The following PRKN variants were observed in gnomAD, a reference collection of about 807,000 sequenced individuals.
The protein encoded by PRKN is parkin RBR E3 ubiquitin protein ligase.
In PRKN, 56 loss-of-function variants were observed where a neutral mutation model predicts 59.5. That is an observed-to-expected ratio of 0.94 (90% CI 0.76 to 1.18). PRKN has a LOEUF of 1.18. Ranked by LOEUF, PRKN falls within the 50% of genes most tolerant of loss-of-function variation. The pLI is 0.00. For synonymous variants in PRKN, 250 were observed against 222.1 expected (o/e 1.13, Z -1.12); for missense variants, 657 against 596.4 (o/e 1.10, Z -1.06).
intron 9 of PRKN, among the ~76,000 whole-genome samples, chr6:161,387,933 T>C (rs903762991): frequency 2.0e-5 from 3 of 152,296 alleles, no homozygotes; most frequent in African/African-American, 7.2e-5. Context: ...ACCATGGGAC[T>C]GAAGACGCCC....
intron 5 of PRKN, among the ~76,000 whole-genome samples, chr6:161,990,178 G>A (rs1004173864): frequency 3.3e-5 from 5 of 152,076 alleles, no homozygotes; most frequent in East Asian, 1.9e-4. Flanking sequence ...CACTGTGCCC[G>A]AAGACCAGCC....
At chr6:162,077,348 AAC>A (rs1428488168) in intron 4 of PRKN, among the ~76,000 whole-genome samples, 19 of 152,132 alleles carry the variant, frequency 1.2e-4, no homozygotes, top group African/African-American at 4.3e-4. Flanking sequence ...GCTGTGTCTA[AAC>A]ACATGCTATG....
chr6:161,917,218 G>C (rs1778600926), intron 6 of PRKN, among the ~76,000 whole-genome samples: 1 of 151,906 alleles, frequency 6.6e-6, no homozygotes, highest in Non-Finnish European at 1.5e-5. Context: ...TAATTCTCCT[G>C]CCTCAGCCTC....
At chr6:161,850,491 G>A (rs1793382053) in intron 6 of PRKN, among the ~76,000 whole-genome samples, 2 of 141,444 alleles carry the variant, frequency 1.4e-5, no homozygotes, top group South Asian at 2.4e-4. Context: ...CAGGAGAATC[G>A]CTTGAACCCG....
At chr6:162,447,211 G>A (rs1194234530) in intron 1 of PRKN, among the ~76,000 whole-genome samples, 2 of 152,208 alleles carry the variant, frequency 1.3e-5, no homozygotes, top group South Asian at 2.1e-4. Flanking sequence ...GCTAATGAAA[G>A]CAGTGTCCTT....
intron 7 of PRKN, among the ~76,000 whole-genome samples, chr6:161,597,888 C>T (rs1168282194): frequency 6.6e-6 from 1 of 152,034 alleles, no homozygotes; most frequent in Non-Finnish European, 1.5e-5. Flanking sequence ...CACATGTGTG[C>T]GTACACACAG....
chr6:161,939,850 T>G (rs1322135424), intron 6 of PRKN, among the ~76,000 whole-genome samples: 1 of 152,114 alleles, frequency 6.6e-6, no homozygotes, highest in Non-Finnish European at 1.5e-5. Flanking sequence ...TTTTAAAAAA[T>G]TAATAAACAG....
At chr6:162,089,006 G>A (rs1779366032) in intron 4 of PRKN, among the ~76,000 whole-genome samples, 1 of 152,128 alleles carries the variant, frequency 6.6e-6, no homozygotes, top group Admixed American at 6.5e-5. Flanking sequence ...TTTGGAAAAG[G>A]TACTTAGATC....
intron 6 of PRKN, among the ~76,000 whole-genome samples, chr6:161,886,739 A>AAAATG (rs1795165454): frequency 4.3e-5 from 6 of 138,236 alleles, no homozygotes; most frequent in African/African-American, 1.7e-4. Flanking sequence ...AAAATAAAAT[A>AAAATG]AAATAATAAA....
chr6:162,261,098 G>A (rs1779868688), intron 3 of PRKN, among the ~76,000 whole-genome samples: 1 of 152,094 alleles, frequency 6.6e-6, no homozygotes, highest in African/African-American at 2.4e-5. Context: ...GGAAGAAAGG[G>A]AGAGGAGAAG....
At chr6:161,995,713 T>C (rs925270463) in intron 5 of PRKN, among the ~76,000 whole-genome samples, 36 of 152,146 alleles carry the variant, frequency 2.4e-4, no homozygotes, top group African/African-American at 8.7e-4. Context: ...TAAGATATCA[T>C]CTTACCTCAG....
At chr6:162,633,778 G>C (rs904800699) in intron 1 of PRKN, among the ~76,000 whole-genome samples, 1 of 152,112 alleles carries the variant, frequency 6.6e-6, no homozygotes, top group African/African-American at 2.4e-5. Context: ...TGATGTGAGG[G>C]ATGGCAGGAT....
intron 1 of PRKN, among the ~76,000 whole-genome samples, chr6:162,570,029 T>C (rs1380844969): frequency 6.6e-6 from 1 of 151,978 alleles, no homozygotes; most frequent in Non-Finnish European, 1.5e-5. Context: ...ACCAAAATAA[T>C]GGGAGAACAT....
intron 2 of PRKN, among the ~76,000 whole-genome samples, chr6:162,295,155 G>T (rs1431716163): frequency 1.3e-5 from 2 of 152,198 alleles, no homozygotes; most frequent in African/African-American, 4.8e-5. Context: ...GCTGGGGCTT[G>T]TGCGTGACAA....
At chr6:162,650,615 A>AG (rs1554258240) in intron 1 of PRKN, among the ~76,000 whole-genome samples, 1 of 150,774 alleles carries the variant, frequency 6.6e-6, no homozygotes, top group Non-Finnish European at 1.5e-5. Context: ...AAAAAAAAAA[A>AG]GAAAACTCTC....
At chr6:162,345,991 A>G (rs1784387093) in intron 2 of PRKN, among the ~76,000 whole-genome samples, 1 of 152,132 alleles carries the variant, frequency 6.6e-6, no homozygotes, top group Non-Finnish European at 1.5e-5. Context: ...AAGAAGAGAA[A>G]GGAGATCTTA....
At chr6:162,634,439 T>C (rs1352467644) in intron 1 of PRKN, among the ~76,000 whole-genome samples, 1 of 152,154 alleles carries the variant, frequency 6.6e-6, no homozygotes, top group Admixed American at 6.5e-5. Context: ...AAGCTCCCTG[T>C]TCTGCTGTTT....
chr6:162,122,873 GC>G (rs1238240791), intron 4 of PRKN, among the ~76,000 whole-genome samples: 1 of 152,062 alleles, frequency 6.6e-6, no homozygotes, highest in Non-Finnish European at 1.5e-5. Context: ...TGTGGGAGTG[GC>G]TGCTTTCACT....
At position 161,740,719 on chromosome 6, in the gene PRKN, T is replaced by C. The variant is rs554403123; in HGVS notation, c.871+45053A>G. Among the ~76,000 whole-genome samples, 10 of 152,364 alleles carry C rather than the reference T, an allele frequency of 6.6e-5. No homozygotes were observed. The East Asian group carries it at 1.9e-3, about 29-fold the overall frequency. On this transcript the variant is annotated intron_variant, in intron 7 of 11. Coordinates refer to ENST00000366898, the MANE Select transcript of PRKN (RefSeq NM_004562.3). ...TGTGGAACAGGCAGTGAGCCCAAGC[T>C]TTGCAGCTGATTCAGTGCAGAGTCT...
Sources: allele counts gnomAD v4.1 joint callset (sites outside exome capture counted in the v4.1 genomes callset), GRCh38; gene constraint gnomAD v4.1.1; transcripts MANE v1.5; gene names NCBI Gene and HGNC (gene_info 2026-07-23, HGNC 2026-07-21).